DUS2: variants seen among roughly 807,000 people sequenced by gnomAD.
DUS2 encodes dihydrouridine synthase 2, also known as tRNA-dihydrouridine(20) synthase [NAD(P)+]-like.
Under a neutral mutation model 71.3 loss-of-function variants are expected in DUS2, and 52 were observed. That is an observed-to-expected ratio of 0.73 (90% CI 0.58 to 0.92). The LOEUF (loss-of-function observed/expected upper bound fraction) is 0.92. Among genes scored for constraint, DUS2 ranks in the 40% least tolerant of loss-of-function variants. DUS2 has a pLI of 0.00. For missense variants in DUS2, 558 were observed against 622.6 expected (o/e 0.90, Z 1.10); for synonymous variants, 204 against 227.8 (o/e 0.90, Z 0.94).
chr16:68,078,796 T>C lies in DUS2; in HGVS notation c.1292T>C (p.Leu431Pro). 1.2e-6 allele frequency: 2 copies of C among 1,612,646 alleles called. No individual in the cohort carries two copies. The highest frequency in any genetic ancestry group is 1.7e-6 in the Non-Finnish European group (2 of 1,179,354). The change falls in exon 17 of 17, where the codon CTG becomes CCG. Residue 431 changes from leucine to proline, a missense_variant. Leu to Pro is a moderately conservative substitution (Grantham distance 98, BLOSUM62 -3). Transcript: ENST00000565263. ...GAGCAGGCTGCAGCCATCGTCTGTC[T>C]GCGGAGCCAGGGCCTCCCTGAGGGT... is the stretch of plus-strand genomic sequence containing the variant. The part of the protein sequence containing the change: ...LAEQAAAIVC[L>P]RSQGLPEGRL...
At position 68,079,013 on chromosome 16, in the gene DUS2, C is replaced by T. The variant is rs372497978; in HGVS notation, c.*27C>T. On this transcript the variant is annotated 3_prime_UTR_variant, in exon 17 of 17. Coordinates refer to ENST00000565263, the MANE Select transcript of DUS2 (RefSeq NM_017803.5). ...TACTCTTCCTGCCTTAGTCACCCCT[C>T]CATGGGCCTGGTGCTAAGGTGGCTG... 39 of 1,519,502 alleles carry T rather than the reference C, an allele frequency of 2.6e-5. No individual in the cohort carries two copies. Among genetic ancestry groups the T allele is most frequent in the Non-Finnish European group, 3.4e-5 (38 of 1,129,028 alleles). The allele number at this position is 1,519,502 out of a possible 1,614,324, so 94.1% of individuals were successfully genotyped here.
chr16:68,053,874 T>C, intron 5 of DUS2: 1 of 518,032 alleles, frequency 1.9e-6, no homozygotes, highest in Non-Finnish European at 3.4e-6. Flanking sequence ...CTTATATGTC[T>C]CTAGTCTCAA....
At chr16:68,075,296 A>G in intron 13 of DUS2, 59 bp from the exon 14 acceptor site, 8 of 1,477,320 alleles carry the variant, frequency 5.4e-6, no homozygotes, top group Non-Finnish European at 5.4e-6. Context: ...GGGGTCCTGC[A>G]GTACCCTGGA....
intron 3 of DUS2, among the ~76,000 whole-genome samples, chr16:68,043,412 G>GAA (rs796692363): frequency 3.0e-5 from 4 of 135,368 alleles, no homozygotes; most frequent in Admixed American, 7.4e-5. Context: ...GTCTCAGGGA[G>GAA]AAAAAAAAAA....
At chr16:68,076,189 G>T (rs988162559) in intron 14 of DUS2, among the ~76,000 whole-genome samples, 1 of 152,104 alleles carries the variant, frequency 6.6e-6, no homozygotes, top group African/African-American at 2.4e-5. Context: ...AGTGTCCATG[G>T]CTGCAGCAGA....
chr16:68,075,801 G>A (rs2151427090), intron 14 of DUS2, among the ~76,000 whole-genome samples: 1 of 152,264 alleles, frequency 6.6e-6, no homozygotes, highest in South Asian at 2.1e-4. Context: ...CTTTTCCAAG[G>A]CCCTGAGGAA....
At chr16:68,028,268 C>T (rs976626915) in intron 2 of DUS2, among the ~76,000 whole-genome samples, 14 of 152,000 alleles carry the variant, frequency 9.2e-5, no homozygotes, top group South Asian at 2.1e-4. Context: ...TAGTGCTTTC[C>T]GTGTCTTTAT....
chr16:68,070,304 G>A, intron 11 of DUS2, 84 bp downstream of exon 11: 1 of 1,387,184 alleles, frequency 7.2e-7, no homozygotes, highest in Non-Finnish European at 1.0e-6. Context: ...TCCCTAGAGT[G>A]AAAAGTTTTA....
In DUS2 at chr16:68,076,824, G is replaced by A. The variant is rs954572677; in HGVS notation, c.1170+105G>A. 32 of 928,490 alleles carry A rather than the reference G, an allele frequency of 3.4e-5. No individual in the cohort carries two copies. In the African/African-American group the frequency reaches 4.2e-4, roughly 12 times the overall value. The allele number at this position is 928,490 out of a possible 1,614,324, so 57.5% of individuals were successfully genotyped here. A position where few individuals can be genotyped will look rare whatever the true frequency, so the allele number is the denominator to read the frequency against. ...CTGGAGCCTGGCCTTGACCTCTGTA[G>A]GCATGGAGAAGCTGCTGGTGGCCAG... On this transcript the variant is annotated intron_variant, in intron 15 of 16. Coordinates refer to ENST00000565263, the MANE Select transcript of DUS2 (RefSeq NM_017803.5).
chr16:68,030,769 T>C (rs2033425289), intron 2 of DUS2, among the ~76,000 whole-genome samples: 1 of 152,108 alleles, frequency 6.6e-6, no homozygotes, highest in South Asian at 2.1e-4. Context: ...CCTTGCTCTG[T>C]CACCCAGGCT....
At chr16:68,065,375 C>T (rs1046915923) in intron 8 of DUS2, among the ~76,000 whole-genome samples, 12 of 149,958 alleles carry the variant, frequency 8.0e-5, no homozygotes, top group East Asian at 7.9e-4. Context: ...TCTGCCCCCC[C>T]GCTTTTTTTT....
chr16:68,050,312 A>AT (rs1403697424), intron 4 of DUS2, among the ~76,000 whole-genome samples: 1 of 151,860 alleles, frequency 6.6e-6, no homozygotes, highest in Non-Finnish European at 1.5e-5. Context: ...TAATTTTTGT[A>AT]TTTTTAGTAG....
chr16:68,037,345 A>G (rs1338764522), intron 2 of DUS2, among the ~76,000 whole-genome samples: 1 of 151,402 alleles, frequency 6.6e-6, no homozygotes, highest in Non-Finnish European at 1.5e-5. Flanking sequence ...GCACTCTGAG[A>G]GGCTAAGGTG....
At chr16:68,024,732 T>C (rs2033318877) in intron 1 of DUS2, among the ~76,000 whole-genome samples, 1 of 151,866 alleles carries the variant, frequency 6.6e-6, no homozygotes, top group African/African-American at 2.4e-5. Context: ...AAGTTTTGAG[T>C]AGTGATGGGT....
intron 3 of DUS2, among the ~76,000 whole-genome samples, chr16:68,043,906 C>T (rs1442207423): frequency 6.6e-6 from 1 of 152,146 alleles, no homozygotes; most frequent in East Asian, 1.9e-4. Flanking sequence ...CTCAAGTGAT[C>T]CTCCTGCTCG....
intron 2 of DUS2, among the ~76,000 whole-genome samples, chr16:68,035,890 A>T (rs1197708031): frequency 3.9e-4 from 1 of 2,596 alleles, no homozygotes; most frequent in African/African-American, 4.2e-4. Context: ...AATTTTATAT[A>T]TATATATATA....
chr16:68,058,669 A>C (rs1329155864), intron 7 of DUS2, among the ~76,000 whole-genome samples: 2 of 152,208 alleles, frequency 1.3e-5, no homozygotes, highest in African/African-American at 4.8e-5. Flanking sequence ...TTGTTTATTC[A>C]GGGAAGATTT....
intron 7 of DUS2, among the ~76,000 whole-genome samples, chr16:68,056,826 A>C (rs570938996): frequency 2.1e-5 from 3 of 145,920 alleles, no homozygotes; most frequent in Non-Finnish European, 4.5e-5. Flanking sequence ...TATATATTAT[A>C]TATAATGTTA....
At chr16:68,049,363 C>T (rs1343518587) in intron 3 of DUS2, 142 bp from the exon 4 acceptor site, 1 of 744,562 alleles carries the variant, frequency 1.3e-6, no homozygotes, top group East Asian at 2.5e-5. Context: ...GGGAGAATAG[C>T]ACTACATGTC....
Sources: allele counts gnomAD v4.1 joint callset (sites outside exome capture counted in the v4.1 genomes callset), GRCh38; gene constraint gnomAD v4.1.1; transcripts MANE v1.5; gene names NCBI Gene and HGNC (gene_info 2026-07-23, HGNC 2026-07-21).